CACNA2D3: variants seen among roughly 807,000 people sequenced by gnomAD.
The protein encoded by CACNA2D3 is voltage-dependent calcium channel subunit alpha-2/delta-3.
CACNA2D3 carries 60 observed loss-of-function variants against 160.6 expected under a neutral mutation model. That is an observed-to-expected ratio of 0.37 (90% CI 0.30 to 0.46). The LOEUF (loss-of-function observed/expected upper bound fraction) is 0.46. Ranked by LOEUF, CACNA2D3 falls within the 20% of genes least tolerant of loss-of-function variation. The pLI is 1.00. For synonymous variants in CACNA2D3, 558 were observed against 492.9 expected (o/e 1.13, Z -1.75); for missense variants, 1,205 against 1,365.0 (o/e 0.88, Z 1.85).
At chr3:54,203,232 C>T (rs760627631) in intron 2 of CACNA2D3, among the ~76,000 whole-genome samples, 8 of 152,176 alleles carry the variant, frequency 5.3e-5, no homozygotes, top group African/African-American at 1.2e-4. Context: ...CAAAATGAAA[C>T]GGGAAGGGTC....
intron 13 of CACNA2D3, among the ~76,000 whole-genome samples, chr3:54,814,227 G>A (rs1703399523): frequency 6.6e-6 from 1 of 152,138 alleles, no homozygotes; most frequent in African/African-American, 2.4e-5. Flanking sequence ...TCTCAACATA[G>A]CCCTTCATCC....
chr3:54,734,529 ACT>A (rs1483079033), intron 11 of CACNA2D3, among the ~76,000 whole-genome samples: 4 of 152,278 alleles, frequency 2.6e-5, no homozygotes, highest in African/African-American at 9.6e-5. Context: ...CTAAAGAGTA[ACT>A]CTAAGGCATG....
At chr3:55,060,818 A>G (rs1166053151) in intron 35 of CACNA2D3, among the ~76,000 whole-genome samples, 1 of 152,262 alleles carries the variant, frequency 6.6e-6, no homozygotes, top group Admixed American at 6.5e-5. Flanking sequence ...AGTTTTAAAA[A>G]TATCCTTTGT....
intron 36 of CACNA2D3, 100 bp downstream of exon 36, chr3:55,073,657 C>T: frequency 1.6e-6 from 2 of 1,212,720 alleles, no homozygotes; most frequent in East Asian, 2.4e-5. Context: ...AGGAAAATTA[C>T]ATCCTTTCCA....
At chr3:54,779,622 T>A (rs537178931) in intron 13 of CACNA2D3, among the ~76,000 whole-genome samples, 1 of 152,248 alleles carries the variant, frequency 6.6e-6, no homozygotes, top group Non-Finnish European at 1.5e-5. Flanking sequence ...ACCTTTTAGT[T>A]GCCTGAACAA....
chr3:54,969,308 G>A (rs569924378), intron 28 of CACNA2D3, among the ~76,000 whole-genome samples: 17 of 135,812 alleles, frequency 1.3e-4, no homozygotes, highest in African/African-American at 4.5e-4. Context: ...CTCCCAGGCT[G>A]GAGTGCAGTG....
chr3:54,264,758 T>C (rs1043500592), intron 2 of CACNA2D3, among the ~76,000 whole-genome samples: 13 of 152,314 alleles, frequency 8.5e-5, no homozygotes, highest in African/African-American at 2.9e-4. Flanking sequence ...ATGACAGCCT[T>C]TTACTTTTTA....
intron 2 of CACNA2D3, among the ~76,000 whole-genome samples, chr3:54,279,272 G>A (rs1191855474): frequency 4.6e-5 from 7 of 152,180 alleles, no homozygotes; most frequent in African/African-American, 1.7e-4. Context: ...GAAACATTAC[G>A]AGTGATTTCA....
chr3:54,337,893 C>T (rs73841981), intron 3 of CACNA2D3, among the ~76,000 whole-genome samples: 2,664 of 152,274 alleles, frequency 0.017, 78 homozygotes, highest in African/African-American at 0.06. Flanking sequence ...TAGGTTATTT[C>T]ATTGTCCACA....
intron 35 of CACNA2D3, among the ~76,000 whole-genome samples, chr3:55,052,007 C>G (rs1472764263): frequency 6.6e-6 from 1 of 152,188 alleles, no homozygotes; most frequent in Non-Finnish European, 1.5e-5. Flanking sequence ...CACTGTCTGG[C>G]ACTCCCTAGT....
intron 27 of CACNA2D3, chr3:54,918,165 T>C (rs1055073658): frequency 3.4e-6 from 1 of 290,110 alleles, no homozygotes; most frequent in South Asian, 5.8e-5. Flanking sequence ...CTGGAAGAGA[T>C]GGCATCTTCC....
intron 5 of CACNA2D3, among the ~76,000 whole-genome samples, chr3:54,540,887 A>G (rs1211673068): frequency 1.3e-5 from 2 of 152,152 alleles, no homozygotes; most frequent in Non-Finnish European, 2.9e-5. Context: ...ACCTTATATG[A>G]AAAATAGGGC....
intron 9 of CACNA2D3, among the ~76,000 whole-genome samples, chr3:54,600,151 A>G (rs191832099): frequency 6.6e-6 from 1 of 152,132 alleles, no homozygotes; most frequent in Non-Finnish European, 1.5e-5. Context: ...ACGCACCTTC[A>G]TGGGGTTGGG....
chr3:54,876,886 A>G (rs2694106), intron 18 of CACNA2D3: 102,904 of 152,112 alleles, frequency 0.68, 36,391 homozygotes, highest in East Asian at 0.88. Flanking sequence ...GATCCCTGGG[A>G]TCTGGGAGTC....
intron 27 of CACNA2D3, among the ~76,000 whole-genome samples, chr3:54,919,701 G>A (rs759019690): frequency 6.6e-6 from 1 of 152,112 alleles, no homozygotes; most frequent in Non-Finnish European, 1.5e-5. Context: ...TTTGACTTTG[G>A]GAAAATGTGC....
At chr3:54,956,378 C>T (rs1701893165) in intron 27 of CACNA2D3, among the ~76,000 whole-genome samples, 3 of 152,330 alleles carry the variant, frequency 2.0e-5, no homozygotes, top group East Asian at 1.9e-4. Context: ...ACCAAGGGGA[C>T]AATTTTGCTG....
intron 2 of CACNA2D3, among the ~76,000 whole-genome samples, chr3:54,133,818 A>G (rs1366839601): frequency 2.0e-5 from 3 of 152,162 alleles, no homozygotes; most frequent in Non-Finnish European, 2.9e-5. Context: ...AAGGTAATGG[A>G]TGATGGTGTA....
intron 13 of CACNA2D3, among the ~76,000 whole-genome samples, chr3:54,777,790 A>G (rs896082317): frequency 3.3e-5 from 5 of 152,206 alleles, no homozygotes; most frequent in Non-Finnish European, 5.9e-5. Context: ...TGGTATTCCA[A>G]TAGCAGGGAC....
intron 2 of CACNA2D3, among the ~76,000 whole-genome samples, chr3:54,219,941 C>T (rs552584373): frequency 2.0e-5 from 3 of 152,232 alleles, no homozygotes; most frequent in African/African-American, 7.2e-5. Context: ...CCGAGAGATA[C>T]TTGTAGAATA....
Sources: allele counts gnomAD v4.1 joint callset (sites outside exome capture counted in the v4.1 genomes callset), GRCh38; gene constraint gnomAD v4.1.1; transcripts MANE v1.5; gene names NCBI Gene and HGNC (gene_info 2026-07-23, HGNC 2026-07-21).